The following MRPS5 variants were observed in gnomAD, a reference collection of about 807,000 sequenced individuals.
The protein encoded by MRPS5 is small ribosomal subunit protein uS5m.
Under a neutral mutation model 51.9 loss-of-function variants are expected in MRPS5, and 27 were observed. The observed-to-expected ratio is 0.52, with a 90% CI of 0.38 to 0.72. MRPS5 has a LOEUF of 0.72. MRPS5 is among the 30% of genes least tolerant of loss of function. The pLI is 0.00. For missense variants in MRPS5, 570 were observed against 545.7 expected (o/e 1.04, Z -0.44); for synonymous variants, 196 against 193.2 (o/e 1.01, Z -0.12).
rs769591910 is a variant in MRPS5 at position 95,100,855 on chromosome 2, G to A, written c.850C>T (p.Arg284Ter). ...RAVHHLHYIE[R>*]YEDHTIFHDI... ...CACTCACTTGTATGGTCTTCATATC[G>A]TTCTATATAATGCAAATGGTGAACT... The change falls in exon 9 of 12, where the codon CGA becomes TGA. Residue 284 changes from arginine (R) to a stop codon, truncating the protein, a stop_gained. Transcript: ENST00000272418. LOFTEE classifies it high-confidence loss of function. 9.4e-6 allele frequency: 15 copies of A among 1,604,274 alleles called. No individual in the cohort carries two copies. Among genetic ancestry groups the A allele is most frequent in the South Asian group, 1.1e-5 (1 of 89,112 alleles).
At chr2:95,114,658 G>A (rs998547657) in intron 3 of MRPS5, among the ~76,000 whole-genome samples, 1 of 152,148 alleles carries the variant, frequency 6.6e-6, no homozygotes, top group Admixed American at 6.5e-5. Context: ...GTTCAGATTA[G>A]ACTCTTTTAA....
intron 6 of MRPS5, 77 bp from the exon 7 acceptor site, chr2:95,104,807 T>C: frequency 7.7e-7 from 1 of 1,301,648 alleles, no homozygotes; most frequent in Non-Finnish European, 1.1e-6. Context: ...CCGCCTTCCT[T>C]GCAGGCATAC....
At chr2:95,104,428 G>A (rs1675889729) in intron 7 of MRPS5, 1 of 585,250 alleles carries the variant, frequency 1.7e-6, no homozygotes, top group Non-Finnish European at 3.1e-6. Context: ...TTTCCTCAGA[G>A]GAAAAGGCAA....
At chr2:95,093,753 A>G (rs1675536974) in intron 10 of MRPS5, 1 of 152,244 alleles carries the variant, frequency 6.6e-6, no homozygotes, top group Non-Finnish European at 1.5e-5. Context: ...GACCAAAGGT[A>G]GATAAAACCA....
At position 95,085,711 on chromosome 2, in the gene MRPS5, C is replaced by G. The variant is rs1454614712; in HGVS notation, c.*1646G>C. Among the ~76,000 whole-genome samples, 2 of 152,154 alleles carry G rather than the reference C, an allele frequency of 1.3e-5. No homozygotes were observed. The highest frequency in any genetic ancestry group is 2.9e-5 in the Non-Finnish European group (2 of 68,030). On this transcript the variant is annotated 3_prime_UTR_variant, in exon 12 of 12. Coordinates refer to ENST00000272418, the MANE Select transcript of MRPS5 (RefSeq NM_031902.5). Reference sequence around the variant, plus strand: ...CCATCCTCACCAGGCAGTAACGAGGCAGTGCCCCATCCCATACCAGCACCG... The same window carrying G: ...CCATCCTCACCAGGCAGTAACGAGGGAGTGCCCCATCCCATACCAGCACCG...
intron 10 of MRPS5, among the ~76,000 whole-genome samples, chr2:95,098,170 C>A (rs540741833): frequency 3.0e-4 from 45 of 152,274 alleles, no homozygotes; most frequent in African/African-American, 9.9e-4. Flanking sequence ...GAATGGCAAT[C>A]ATTAAAAAGT....
At position 95,100,876 on chromosome 2, in the gene MRPS5, G is replaced by C. The variant is rs1269822340; in HGVS notation, c.829C>G (p.His277Asp). The C allele has an allele frequency of 6.2e-7, 1 of 1,608,748 alleles. No homozygotes were observed. Among genetic ancestry groups the C allele is most frequent in the Non-Finnish European group, 8.5e-7 (1 of 1,178,594 alleles). ...TATCGTTCTATATAATGCAAATGGTGAACTGCTCTGTTCTTTGCCTGAAAG... is the reference window on the plus strand; with the variant it reads ...TATCGTTCTATATAATGCAAATGGTCAACTGCTCTGTTCTTTGCCTGAAAG... ...AFRKAKNRAV[H>D]HLHYIERYED... is the part of the protein sequence containing the mutation. Residue 277 changes from histidine (H) to aspartate (D), a missense_variant, in exon 9 of 12, where the codon CAC becomes GAC. Transcript: ENST00000272418.
rs1446230563 is a variant in MRPS5 at position 95,087,288 on chromosome 2, A to G, written c.*69T>C. The G allele has an allele frequency of 8.1e-7, 1 of 1,231,078 alleles. No individual in the cohort carries two copies. The highest frequency in any genetic ancestry group is 1.5e-5 in the African/African-American group (1 of 66,564). 76.3% of individuals were successfully genotyped at this position (1,231,078 alleles called of 1,614,324 possible). ...AAACAAAAGGCAAGGTAACATCCCA[A>G]GCTGTGAGGGGCTGAGTCTCTCCTA... is the stretch of plus-strand genomic sequence containing the variant. On this transcript the variant is annotated 3_prime_UTR_variant, in exon 12 of 12. Coordinates refer to ENST00000272418, the MANE Select transcript of MRPS5 (RefSeq NM_031902.5).
At position 95,087,440 on chromosome 2, in the gene MRPS5, C is replaced by T. The variant is rs770115321; in HGVS notation, c.1210G>A (p.Val404Ile). ...TTCACATCTTCCCAGTCCAGTTTGA[C>T]GTCTGGAACCTCATCTTCTGGCTCT... ...DPEPEDEVPDVKLDWEDVKTA... is the reference protein window; with the variant it reads ...DPEPEDEVPDIKLDWEDVKTA... The change falls in exon 12 of 12, where the codon GTC (valine) becomes ATC (isoleucine). Residue 404 changes from valine to isoleucine, a missense_variant. Val to Ile is a conservative substitution (Grantham distance 29). Coordinates refer to ENST00000272418, the MANE Select transcript of MRPS5 (RefSeq NM_031902.5). 52 of 1,614,050 alleles carry T rather than the reference C, an allele frequency of 3.2e-5. No individual in the cohort carries two copies. Among genetic ancestry groups the T allele is most frequent in the Admixed American group, 8.3e-5 (5 of 60,004 alleles).
At chr2:95,092,318 C>A (rs1675490849) in intron 10 of MRPS5, 1 of 152,216 alleles carries the variant, frequency 6.6e-6, no homozygotes, top group South Asian at 2.1e-4. Context: ...TTTGGGAACA[C>A]CACACCCTCC....
chr2:95,092,886 T>C (rs1675508745), intron 10 of MRPS5: 1 of 152,078 alleles, frequency 6.6e-6, no homozygotes, highest in East Asian at 1.9e-4. Flanking sequence ...GTGCTGCCCA[T>C]GGAGCAGGGC....
chr2:95,108,879 A>T (rs1468170680), intron 4 of MRPS5, among the ~76,000 whole-genome samples: 4 of 152,082 alleles, frequency 2.6e-5, no homozygotes, highest in African/African-American at 4.8e-5. Context: ...AATTTTTTTT[A>T]AAAAAGAAGA....
chr2:95,115,351 A>C, intron 2 of MRPS5, 148 bp from the exon 3 acceptor site: 1 of 835,824 alleles, frequency 1.2e-6, no homozygotes, highest in Non-Finnish European at 1.7e-6. Context: ...TCTTTTAAAA[A>C]TAAAACTTTT....
intron 4 of MRPS5, 25 bp downstream of exon 4, chr2:95,109,891 T>C (rs1312663522): frequency 1.3e-6 from 2 of 1,599,662 alleles, no homozygotes; most frequent in South Asian, 1.1e-5. Context: ...CAAAGCACTT[T>C]AGCTATTTTT....
intron 10 of MRPS5, chr2:95,090,736 A>C (rs1458041866): frequency 1.9e-6 from 1 of 522,872 alleles, no homozygotes; most frequent in East Asian, 3.1e-5. Flanking sequence ...AGAAGATGAC[A>C]TCTACAAATA....
intron 8 of MRPS5, among the ~76,000 whole-genome samples, chr2:95,101,339 G>A (rs1439655776): frequency 2.7e-5 from 4 of 150,940 alleles, no homozygotes; most frequent in South Asian, 2.1e-4. Flanking sequence ...AGCCGAGATC[G>A]TGCCACTGCA....
At chr2:95,102,175 A>G (rs1675822842) in intron 7 of MRPS5, among the ~76,000 whole-genome samples, 2 of 151,846 alleles carry the variant, frequency 1.3e-5, no homozygotes, top group South Asian at 4.2e-4. Flanking sequence ...AAAACCTAAC[A>G]ATAACAAAGC....
chr2:95,091,694 T>G (rs1675471841), intron 10 of MRPS5: 1 of 152,194 alleles, frequency 6.6e-6, no homozygotes, highest in African/African-American at 2.4e-5. Context: ...GCTTTCTAGT[T>G]TGACTTTTTA....
intron 4 of MRPS5, among the ~76,000 whole-genome samples, chr2:95,109,116 G>C (rs1273019021): frequency 1.3e-5 from 2 of 151,616 alleles, no homozygotes; most frequent in African/African-American, 4.8e-5. Flanking sequence ...AAGCATCCAG[G>C]GGGACTTCAA....
Sources: allele counts gnomAD v4.1 joint callset (sites outside exome capture counted in the v4.1 genomes callset), GRCh38; gene constraint gnomAD v4.1.1; transcripts MANE v1.5; gene names NCBI Gene and HGNC (gene_info 2026-07-23, HGNC 2026-07-21).